Variants in ATG4C observed in about 807,000 individuals in gnomAD.
ATG4C encodes cysteine protease ATG4C.
In ATG4C, 56 loss-of-function variants were observed where a neutral mutation model predicts 57.6. That is an observed-to-expected ratio of 0.97 (90% confidence interval 0.78 to 1.21). ATG4C has a LOEUF of 1.21. Among genes scored for constraint, ATG4C ranks in the 50% most tolerant of loss-of-function variants. The probability of loss-of-function intolerance (pLI) is 0.00; values close to 1 mark genes in which losing one functional copy is unlikely to be tolerated. For synonymous variants in ATG4C, 157 were observed against 174.1 expected (o/e 0.90, Z 0.78); for missense variants, 595 against 529.8 (o/e 1.12, Z -1.21).
chr1:62,834,219 G>C (rs1665927857), intron 8 of ATG4C, 103 bp downstream of exon 8: 2 of 1,020,068 alleles, frequency 2.0e-6, no homozygotes, highest in African/African-American at 3.2e-5. Flanking sequence ...AGCAAAACGA[G>C]TACCTTATAC....
chr1:62,784,997 T>C (rs1040733618), intron 1 of ATG4C, among the ~76,000 whole-genome samples: 2 of 152,232 alleles, frequency 1.3e-5, no homozygotes, highest in Non-Finnish European at 2.9e-5. Context: ...TCGTTTTGTA[T>C]TGGTTATTTA....
At chr1:62,799,662 T>A (rs1360117685) in intron 1 of ATG4C, among the ~76,000 whole-genome samples, 2 of 152,190 alleles carry the variant, frequency 1.3e-5, no homozygotes, top group Non-Finnish European at 2.9e-5. Context: ...TGTATATATT[T>A]ATGGGGTACA....
At chr1:62,799,275 T>G (rs1441853228) in intron 1 of ATG4C, among the ~76,000 whole-genome samples, 3 of 152,220 alleles carry the variant, frequency 2.0e-5, no homozygotes, top group African/African-American at 7.2e-5. Flanking sequence ...AAAAATGGAA[T>G]TTAATTTTAG....
In ATG4C at chr1:62,803,730, G is replaced by T. The variant is rs1664758908; in HGVS notation, c.-57G>T. The T allele has an allele frequency of 8.0e-7, 1 of 1,254,522 alleles. No individual in the cohort carries two copies. Among genetic ancestry groups the T allele is most frequent in the South Asian group, 1.3e-5 (1 of 74,762 alleles). The allele number at this position is 1,254,522 out of a possible 1,614,324, so 77.7% of individuals were successfully genotyped here. A position where few individuals can be genotyped will look rare whatever the true frequency, so the allele number is the denominator to read the frequency against. The stretch of plus-strand genomic sequence containing the variant: ...CTTAATTTTTAAAGTCAGTATAAAA[G>T]ATTAAACTCTACAGAAGAATGCAAT... On this transcript the variant is annotated 5_prime_UTR_variant, in exon 2 of 11. Coordinates refer to ENST00000317868, the MANE Select transcript of ATG4C (RefSeq NM_032852.4).
intron 10 of ATG4C, among the ~76,000 whole-genome samples, chr1:62,858,099 C>A (rs572057982): frequency 2.0e-5 from 3 of 152,310 alleles, no homozygotes; most frequent in Admixed American, 6.5e-5. Context: ...GTTCATCTGA[C>A]ATCAATTAAT....
Position 62,816,598 on chromosome 1 carries a change from G to T in ATG4C, c.184G>T (p.Glu62Ter), listed in dbSNP as rs749577670. The change falls in exon 4 of 11, where the codon GAG becomes TAG. Residue 62 changes from glutamate (E) to a stop codon, truncating the protein, a stop_gained. Transcript: ENST00000317868. LOFTEE classifies it high-confidence loss of function. The part of the protein sequence containing the change: ...YEDEDKTLPA[E>*]SGCTIEDHVI... ...AGATGAAGATAAAACGTTACCTGCA[G>T]AGTCGGGATGTACAATAGAGGATCA... The T allele has an allele frequency of 1.1e-5, 18 of 1,611,612 alleles. No individual in the cohort carries two copies. Among genetic ancestry groups the T allele is most frequent in the Non-Finnish European group, 1.5e-5 (18 of 1,178,772 alleles).
intron 6 of ATG4C, among the ~76,000 whole-genome samples, chr1:62,821,577 A>G (rs1317978914): frequency 6.6e-6 from 1 of 152,080 alleles, no homozygotes; most frequent in Non-Finnish European, 1.5e-5. Context: ...GGAATTGAAT[A>G]TATTTCTCAC....
At chr1:62,789,175 A>G (rs1664184415) in intron 1 of ATG4C, among the ~76,000 whole-genome samples, 1 of 152,156 alleles carries the variant, frequency 6.6e-6, no homozygotes, top group African/African-American at 2.4e-5. Flanking sequence ...TGTCATTCCT[A>G]CATGTATTTG....
chr1:62,803,599 G>T (rs1010535062), intron 1 of ATG4C, 120 bp from the exon 2 acceptor site: 1 of 375,480 alleles, frequency 2.7e-6, no homozygotes. Context: ...TATAAAAAGA[G>T]AAATTGTTTT....
In ATG4C at chr1:62,852,046, C is replaced by A. The variant is rs192296122; in HGVS notation, c.1209+10499C>A. On this transcript the variant is annotated intron_variant, in intron 10 of 10. Coordinates refer to ENST00000317868, the MANE Select transcript of ATG4C (RefSeq NM_032852.4). The stretch of plus-strand genomic sequence containing the variant: ...TTGTGTGATTGTTGTATACCTTACA[C>A]ATTTTTATTTGGCAATAATTTGTAT... Among the ~76,000 whole-genome samples the A allele has an allele frequency of 2.0e-4, 31 of 152,302 alleles. No individual in the cohort carries two copies. The East Asian group carries it at 5.6e-3, about 27-fold the overall frequency.
At position 62,819,227 on chromosome 1, in the gene ATG4C, A is replaced by AT. The variant is rs1665399184; in HGVS notation, c.619dup (p.Ser207PhefsTer40). On this transcript the variant is annotated frameshift_variant, in exon 5 of 11. Coordinates refer to ENST00000317868, the MANE Select transcript of ATG4C (RefSeq NM_032852.4). LOFTEE classifies it high-confidence loss of function. The stretch of plus-strand genomic sequence containing the variant: ...AGGAAAATCATCTCTTGGTTTGGTG[A>AT]TTCCCCCTTGGCTCTTTTTGGCTTA... 1 of 1,613,604 alleles carries AT rather than the reference A, an allele frequency of 6.2e-7. No homozygotes were observed. Among genetic ancestry groups the AT allele is most frequent in the Non-Finnish European group, 8.5e-7 (1 of 1,179,700 alleles).
Position 62,800,212 on chromosome 1 carries a change from A to G in ATG4C, c.-68-3507A>G, listed in dbSNP as rs563339805. On this transcript the variant is annotated intron_variant, in intron 1 of 10. Transcript: ENST00000317868. Reference sequence around the variant, plus strand: ...GGCCTTCTTTCTTTCAGACTTAGAAAGAAGATACCTGCATGCACATACTCT... The same window carrying G: ...GGCCTTCTTTCTTTCAGACTTAGAAGGAAGATACCTGCATGCACATACTCT... 9.8e-5 allele frequency among the ~76,000 whole-genome samples: 15 copies of G among 152,302 alleles called. No homozygotes were observed. In the South Asian group the frequency reaches 3.1e-3, roughly 32 times the overall value.
chr1:62,803,387 C>G (rs1047054755), intron 1 of ATG4C, among the ~76,000 whole-genome samples: 8 of 152,116 alleles, frequency 5.3e-5, no homozygotes, highest in Non-Finnish European at 8.8e-5. Context: ...TGCGCCAATG[C>G]ACCAGAGCAG....
At chr1:62,813,700 T>A (rs1290754212) in intron 3 of ATG4C, among the ~76,000 whole-genome samples, 2 of 152,134 alleles carry the variant, frequency 1.3e-5, no homozygotes, top group African/African-American at 4.8e-5. Flanking sequence ...AATCTCTCCA[T>A]CTGACAAAGG....
chr1:62,814,987 C>A (rs1319169066), intron 3 of ATG4C, among the ~76,000 whole-genome samples: 1 of 152,156 alleles, frequency 6.6e-6, no homozygotes, highest in Non-Finnish European at 1.5e-5. Context: ...ATCGCTTTAA[C>A]CCTGGAGGCA....
intron 1 of ATG4C, among the ~76,000 whole-genome samples, chr1:62,787,156 G>T (rs1460918345): frequency 6.6e-6 from 1 of 152,180 alleles, no homozygotes; most frequent in East Asian, 1.9e-4. Flanking sequence ...TGTGGTAGCA[G>T]TGTTTAAGGT....
intron 3 of ATG4C, among the ~76,000 whole-genome samples, chr1:62,815,567 C>T (rs1665242646): frequency 6.6e-6 from 1 of 152,174 alleles, no homozygotes; most frequent in Non-Finnish European, 1.5e-5. Context: ...TTGTGTGAAT[C>T]TGTATTTCCA....
At chr1:62,850,353 C>T (rs896699660) in intron 10 of ATG4C, among the ~76,000 whole-genome samples, 1 of 152,178 alleles carries the variant, frequency 6.6e-6, no homozygotes, top group African/African-American at 2.4e-5. Flanking sequence ...ATCTCCCTTG[C>T]TCTGTCTACA....
intron 9 of ATG4C, among the ~76,000 whole-genome samples, chr1:62,836,006 G>C (rs1572150742): frequency 6.6e-6 from 1 of 152,016 alleles, no homozygotes; most frequent in East Asian, 1.9e-4. Context: ...ATGGAAAATT[G>C]TTCTTAGTAT....
Sources: allele counts gnomAD v4.1 joint callset (sites outside exome capture counted in the v4.1 genomes callset), GRCh38; gene constraint gnomAD v4.1.1; transcripts MANE v1.5; gene names NCBI Gene and HGNC (gene_info 2026-07-23, HGNC 2026-07-21).